The following CARMIL1 variants were observed in gnomAD, a reference collection of about 807,000 sequenced individuals.
The protein encoded by CARMIL1 is F-actin-uncapping protein LRRC16A.
Under a neutral mutation model 177.1 loss-of-function variants are expected in CARMIL1, and 90 were observed. The ratio of observed to expected loss-of-function variants is 0.51; its 90% confidence interval spans 0.43 to 0.61. The LOEUF (loss-of-function observed/expected upper bound fraction) is 0.61, where lower values mean the gene tolerates loss of function less well. Ranked by LOEUF, CARMIL1 falls within the 20% of genes least tolerant of loss-of-function variation. The probability of loss-of-function intolerance (pLI) is 0.00; values close to 1 mark genes in which losing one functional copy is unlikely to be tolerated. For synonymous variants in CARMIL1, 577 were observed against 606.2 expected (o/e 0.95, Z 0.71); for missense variants, 1,380 against 1,667.0 (o/e 0.83, Z 3.00).
intron 29 of CARMIL1, among the ~76,000 whole-genome samples, chr6:25,573,389 C>G (rs56771018): frequency 1.3e-5 from 2 of 148,350 alleles, no homozygotes; most frequent in African/African-American, 5.0e-5. Context: ...AAAGAATTCT[C>G]TCTGCCTACA....
intron 2 of CARMIL1, among the ~76,000 whole-genome samples, chr6:25,311,870 C>T (rs1783847778): frequency 6.6e-6 from 1 of 152,216 alleles, no homozygotes; most frequent in Admixed American, 6.5e-5. Flanking sequence ...TCTCCCATCC[C>T]ACTCTCGATT....
chr6:25,390,293 C>CATATATATATAT (rs397887367), intron 2 of CARMIL1, among the ~76,000 whole-genome samples: 2 of 84,902 alleles, frequency 2.4e-5, no homozygotes, highest in Non-Finnish European at 4.6e-5. Flanking sequence ...TATATATTTA[C>CATATATATATAT]ATATATATAT....
intron 23 of CARMIL1, among the ~76,000 whole-genome samples, chr6:25,526,458 T>G (rs1025245231): frequency 1.3e-5 from 2 of 151,952 alleles, no homozygotes; most frequent in Non-Finnish European, 2.9e-5. Context: ...TTGGTTTCTT[T>G]TCTCTCCCCT....
chr6:25,606,314 G>A, intron 35 of CARMIL1, 41 bp downstream of exon 35: 2 of 1,585,338 alleles, frequency 1.3e-6, no homozygotes, highest in Non-Finnish European at 1.7e-6. Context: ...GTGACCAGGT[G>A]GCTTCCCAGA....
chr6:25,303,291 C>T (rs1348210895), intron 2 of CARMIL1, among the ~76,000 whole-genome samples: 2 of 152,154 alleles, frequency 1.3e-5, no homozygotes, highest in African/African-American at 2.4e-5. Context: ...AACATTTCCT[C>T]TACAGTTGGG....
intron 2 of CARMIL1, among the ~76,000 whole-genome samples, chr6:25,328,656 T>G (rs1232680345): frequency 6.6e-6 from 1 of 152,190 alleles, no homozygotes; most frequent in Non-Finnish European, 1.5e-5. Flanking sequence ...CTCTTTCTCT[T>G]CCAGAGTTAT....
At chr6:25,349,725 A>ATTTT (rs67971403) in intron 2 of CARMIL1, among the ~76,000 whole-genome samples, 4 of 93,520 alleles carry the variant, frequency 4.3e-5, no homozygotes, top group African/African-American at 1.7e-4. Context: ...CAGTCCCCTC[A>ATTTT]TTTTTTTTTT....
chr6:25,505,055 C>G (rs1022831693), intron 17 of CARMIL1, among the ~76,000 whole-genome samples: 2 of 152,170 alleles, frequency 1.3e-5, no homozygotes, highest in Non-Finnish European at 2.9e-5. Flanking sequence ...TATTGCCCTT[C>G]TAAACATTTT....
intron 24 of CARMIL1, 126 bp from the exon 25 acceptor site, chr6:25,537,729 G>A (rs992064179): frequency 9.1e-7 from 1 of 1,097,716 alleles, no homozygotes; most frequent in African/African-American, 1.6e-5. Context: ...AAGGGTTTGA[G>A]GTTTTCATCC....
intron 2 of CARMIL1, chr6:25,370,095 T>TA (rs1440685065): frequency 6.6e-6 from 1 of 152,202 alleles, no homozygotes; most frequent in Non-Finnish European, 1.5e-5. Flanking sequence ...ACAGTAAGCA[T>TA]AAAAACAAGC....
At chr6:25,392,354 C>T (rs1398428354) in intron 2 of CARMIL1, among the ~76,000 whole-genome samples, 1 of 152,102 alleles carries the variant, frequency 6.6e-6, no homozygotes, top group Non-Finnish European at 1.5e-5. Context: ...TTGGAATTTT[C>T]TTTATATCAA....
intron 36 of CARMIL1, 98 bp downstream of exon 36, chr6:25,610,279 G>C (rs962109299): frequency 2.7e-5 from 36 of 1,343,696 alleles, no homozygotes; most frequent in Non-Finnish European, 3.2e-5. Flanking sequence ...TAATATCTTA[G>C]AGTTTGTTAA....
At chr6:25,426,398 T>G in intron 3 of CARMIL1, 103 bp from the exon 4 acceptor site, 1 of 871,748 alleles carries the variant, frequency 1.1e-6, no homozygotes, top group Non-Finnish European at 1.7e-6. Flanking sequence ...TCTTGGGCTG[T>G]TTCTAGTTGT....
chr6:25,514,269 TG>T (rs1805738467), intron 20 of CARMIL1, among the ~76,000 whole-genome samples: 2 of 152,128 alleles, frequency 1.3e-5, no homozygotes, highest in Non-Finnish European at 2.9e-5. Context: ...ACACAAGGCC[TG>T]GTGCGGTGGT....
Position 25,279,621 on chromosome 6 carries a change from T to TTTTTTTTTG in CARMIL1, c.-171_-170insTTTTGTTTT. ...CTCGCATTTGCAACTCTTTTTTTTT[T>TTTTTTTTTG]TTTTGGTGGGGCGGGGGGCGCGCGG... On this transcript the variant is annotated 5_prime_UTR_variant, in exon 1 of 37. Transcript: ENST00000329474. 1.6e-6 allele frequency: 1 copy of TTTTTTTTTG among 620,372 alleles called. No individual in the cohort carries two copies. Among genetic ancestry groups the TTTTTTTTTG allele is most frequent in the Non-Finnish European group, 2.9e-6 (1 of 347,504 alleles). The allele number at this position is 620,372 out of a possible 1,614,324, so 38.4% of individuals were successfully genotyped here. A position where few individuals can be genotyped will look rare whatever the true frequency, so the allele number is the denominator to read the frequency against.
At chr6:25,423,761 C>T (rs1303282584) in intron 3 of CARMIL1, among the ~76,000 whole-genome samples, 2 of 152,130 alleles carry the variant, frequency 1.3e-5, no homozygotes, top group Non-Finnish European at 2.9e-5. Context: ...TATTGACAGT[C>T]TGGGTTAAGT....
At chr6:25,397,090 G>A (rs1264951065) in intron 2 of CARMIL1, among the ~76,000 whole-genome samples, 1 of 152,186 alleles carries the variant, frequency 6.6e-6, no homozygotes, top group Non-Finnish European at 1.5e-5. Flanking sequence ...TGAAGATCAT[G>A]AGACACTGTC....
In CARMIL1 at chr6:25,523,527, C is replaced by T. The variant is rs117968784; in HGVS notation, c.1968+3190C>T. ...GTGAAAAGGAGTTTGTGAAAAGCTACATAAAAATATTAGATATCTTTATAA... is the reference window on the plus strand; with the variant it reads ...GTGAAAAGGAGTTTGTGAAAAGCTATATAAAAATATTAGATATCTTTATAA... On this transcript the variant is annotated intron_variant, in intron 23 of 36. Transcript: ENST00000329474. Among the ~76,000 whole-genome samples the T allele has an allele frequency of 5.1e-3, 779 of 152,238 alleles. 14 individuals are homozygous for T. Among genetic ancestry groups the T allele is most frequent in the Admixed American group, 0.027 (413 of 15,290 alleles).
At chr6:25,453,675 G>C (rs1425104085) in intron 8 of CARMIL1, among the ~76,000 whole-genome samples, 1 of 152,182 alleles carries the variant, frequency 6.6e-6, no homozygotes, top group Non-Finnish European at 1.5e-5. Context: ...GGTGCTAGCA[G>C]TTTTCCCCAC....
Sources: allele counts gnomAD v4.1 joint callset (sites outside exome capture counted in the v4.1 genomes callset), GRCh38; gene constraint gnomAD v4.1.1; transcripts MANE v1.5; gene names NCBI Gene and HGNC (gene_info 2026-07-23, HGNC 2026-07-21).